Variants in NRXN3 observed in about 807,000 individuals in gnomAD.
The protein encoded by NRXN3 is neurexin III.
Under a neutral mutation model 137.6 loss-of-function variants are expected in NRXN3, and 32 were observed. That is an observed-to-expected ratio of 0.23 (90% CI 0.18 to 0.31). NRXN3 has a LOEUF of 0.31. Ranked by LOEUF, NRXN3 falls within the 10% of genes least tolerant of loss-of-function variation. The pLI is 1.00. For missense variants in NRXN3, 1,574 were observed against 2,062.5 expected, an observed-to-expected ratio of 0.76 and a Z score of 4.59; for synonymous variants, 798 against 784.5, an observed-to-expected ratio of 1.02 and a Z score of -0.29.
intron 16 of NRXN3, among the ~76,000 whole-genome samples, chr14:79,524,057 G>A (rs1000491857): frequency 1.3e-5 from 2 of 152,214 alleles, no homozygotes; most frequent in African/African-American, 4.8e-5. Flanking sequence ...AATCGGTAAT[G>A]AGAACATCCT....
chr14:79,661,095 G>A (rs996237038), intron 16 of NRXN3, among the ~76,000 whole-genome samples: 9 of 152,080 alleles, frequency 5.9e-5, no homozygotes, highest in African/African-American at 2.2e-4. Flanking sequence ...GGCATGAAAA[G>A]TACAAAAAGA....
At chr14:79,078,166 G>A (rs2046297439) in intron 15 of NRXN3, among the ~76,000 whole-genome samples, 1 of 152,028 alleles carries the variant, frequency 6.6e-6, no homozygotes, top group African/African-American at 2.4e-5. Context: ...TAGAATCACA[G>A]GATCTCAGGG....
At chr14:78,291,796 G>A (rs1364960994) in intron 3 of NRXN3, among the ~76,000 whole-genome samples, 5 of 151,866 alleles carry the variant, frequency 3.3e-5, no homozygotes, top group African/African-American at 7.3e-5. Context: ...TCTCTACTTC[G>A]CTATGAAAAA....
intron 15 of NRXN3, among the ~76,000 whole-genome samples, chr14:79,305,100 G>A (rs2085822098): frequency 6.6e-6 from 1 of 151,902 alleles, no homozygotes; most frequent in Admixed American, 6.6e-5. Flanking sequence ...TCTTTTTCTA[G>A]TCTCTTTGTC....
intron 1 of NRXN3, among the ~76,000 whole-genome samples, chr14:78,217,725 G>A (rs1336787755): frequency 2.0e-5 from 3 of 152,176 alleles, no homozygotes; most frequent in African/African-American, 7.2e-5. Flanking sequence ...GCAGCGGTGC[G>A]ATCTTGGCTC....
chr14:78,242,900 C>T lies in NRXN3; in HGVS notation c.-194C>T. ...TTATTCAATTTCTTGCTTGTGTGCC[C>T]CTCTGGGACTCTCTTGTACACTTTC... On this transcript the variant is annotated 5_prime_UTR_variant, in exon 2 of 21. Coordinates refer to ENST00000335750, the MANE Select transcript of NRXN3 (RefSeq NM_001330195.2). 5.9e-6 allele frequency: 3 copies of T among 510,378 alleles called. No individual in the cohort carries two copies. Among genetic ancestry groups the T allele is most frequent in the South Asian group, 3.8e-5 (1 of 26,534 alleles). The allele number at this position is 510,378 out of a possible 1,614,324, so 31.6% of individuals were successfully genotyped here. A position where few individuals can be genotyped will look rare whatever the true frequency, so the allele number is the denominator to read the frequency against.
intron 16 of NRXN3, among the ~76,000 whole-genome samples, chr14:79,602,355 C>G (rs170248): frequency 0.48 from 73,709 of 152,128 alleles, 19,981 homozygotes; most frequent in African/African-American, 0.74. Flanking sequence ...ATTGACAGTG[C>G]TTATTGTTTC....
intron 4 of NRXN3, among the ~76,000 whole-genome samples, chr14:78,394,126 A>T (rs1479596095): frequency 6.6e-6 from 1 of 151,966 alleles, no homozygotes; most frequent in Non-Finnish European, 1.5e-5. Context: ...AACTTCCAGC[A>T]CTGTGTTGAA....
intron 15 of NRXN3, among the ~76,000 whole-genome samples, chr14:79,424,468 G>A (rs1426456126): frequency 6.6e-6 from 1 of 152,090 alleles, no homozygotes; most frequent in Non-Finnish European, 1.5e-5. Flanking sequence ...CTATGTGTTA[G>A]GTACTTTGCT....
intron 16 of NRXN3, among the ~76,000 whole-genome samples, chr14:79,512,614 T>A (rs1387079941): frequency 6.6e-6 from 1 of 152,230 alleles, no homozygotes; most frequent in African/African-American, 2.4e-5. Context: ...CTGTTCATGG[T>A]GAAACGTATT....
At chr14:79,340,416 A>G (rs367972439) in intron 15 of NRXN3, among the ~76,000 whole-genome samples, 80 of 152,306 alleles carry the variant, frequency 5.3e-4, no homozygotes, top group Admixed American at 1.8e-3. Context: ...TGTTTTGAGA[A>G]CATTGAAAGG....
At chr14:79,692,986 G>T (rs1194123549) in intron 18 of NRXN3, among the ~76,000 whole-genome samples, 1 of 151,986 alleles carries the variant, frequency 6.6e-6, no homozygotes, top group Non-Finnish European at 1.5e-5. Flanking sequence ...TTAACATAAT[G>T]AGTTGGAAAA....
intron 15 of NRXN3, among the ~76,000 whole-genome samples, chr14:79,343,540 T>G (rs982214365): frequency 4.6e-5 from 7 of 152,154 alleles, no homozygotes; most frequent in Non-Finnish European, 8.8e-5. Context: ...AGAGCATTTT[T>G]TTCTTTCTCT....
Position 79,522,856 on chromosome 14 carries a change from A to C in NRXN3, c.3444+55454A>C, listed in dbSNP as rs1391043783. Among the ~76,000 whole-genome samples, 3 of 152,220 alleles carry C rather than the reference A, an allele frequency of 2.0e-5. No homozygotes were observed. In the East Asian group the frequency reaches 5.8e-4, roughly 29 times the overall value. ...ATATATGTAAAAAACTGCCATGTTA[A>C]ATACCACTTGTTGCTCTTTCATCTT... On this transcript the variant is annotated intron_variant, in intron 16 of 20. Transcript: ENST00000335750.
At chr14:78,922,031 A>G (rs950635888) in intron 10 of NRXN3, among the ~76,000 whole-genome samples, 2 of 152,188 alleles carry the variant, frequency 1.3e-5, no homozygotes, top group Non-Finnish European at 2.9e-5. Flanking sequence ...CTAAGTAGGA[A>G]GTTATTTATT....
intron 15 of NRXN3, among the ~76,000 whole-genome samples, chr14:79,388,101 A>AT (rs1387509663): frequency 1.5e-5 from 2 of 132,626 alleles, no homozygotes; most frequent in African/African-American, 5.4e-5. Flanking sequence ...TTAAAGTATA[A>AT]TAAAAAAAAA....
chr14:79,318,409 C>T (rs2089333698), intron 15 of NRXN3, among the ~76,000 whole-genome samples: 1 of 152,108 alleles, frequency 6.6e-6, no homozygotes, highest in Non-Finnish European at 1.5e-5. Flanking sequence ...CGGAGTAGAT[C>T]TCGGATTTGC....
intron 4 of NRXN3, among the ~76,000 whole-genome samples, chr14:78,324,574 T>G (rs1003667442): frequency 2.0e-5 from 3 of 152,180 alleles, no homozygotes; most frequent in Middle Eastern, 3.4e-3. Context: ...TGTGGGAAAT[T>G]TACAGAGACA....
At chr14:78,464,237 G>T (rs2153722196) in intron 4 of NRXN3, among the ~76,000 whole-genome samples, 1 of 152,048 alleles carries the variant, frequency 6.6e-6, no homozygotes, top group South Asian at 2.1e-4. Context: ...TGTATTTTTA[G>T]TAGAGACTGG....
Sources: gnomAD v4.1 joint callset for allele counts (sites outside exome capture counted in the v4.1 genomes callset) on GRCh38, gnomAD v4.1.1 for gene constraint, MANE v1.5 for transcripts, NCBI Gene and HGNC (gene_info 2026-07-23, HGNC 2026-07-21) for gene names.